Variants in SAMTOR observed in about 807,000 individuals in gnomAD.
SAMTOR encodes UPF0532 protein C7orf60.
chr7:112,932,547 T>C, the SAMTOR span, among the ~76,000 whole-genome samples: 5 of 152,234 alleles, frequency 3.3e-5, no homozygotes, highest in Non-Finnish European at 7.3e-5. Context: ...TGCGTGTGCC[T>C]TAAATCTACA....
At chr7:112,926,623 ATACT>A in the SAMTOR span, among the ~76,000 whole-genome samples, 1 of 152,190 alleles carries the variant, frequency 6.6e-6, no homozygotes, top group Non-Finnish European at 1.5e-5. Flanking sequence ...AAAGTGAAGT[ATACT>A]TAAATATATA....
At chr7:112,915,153 G>C in the SAMTOR span, among the ~76,000 whole-genome samples, 1 of 151,866 alleles carries the variant, frequency 6.6e-6, no homozygotes, top group Non-Finnish European at 1.5e-5. Flanking sequence ...CAGAAGAACT[G>C]ATTGAACCCG....
chr7:112,866,102 A>G, the SAMTOR span, among the ~76,000 whole-genome samples: 9 of 152,150 alleles, frequency 5.9e-5, no homozygotes, highest in Non-Finnish European at 1.2e-4. Context: ...GTGATAAAGA[A>G]GACAAAGCTA....
At chr7:112,891,251 T>TA in the SAMTOR span, among the ~76,000 whole-genome samples, 1 of 152,246 alleles carries the variant, frequency 6.6e-6, no homozygotes, top group Non-Finnish European at 1.5e-5. Context: ...AGTAAGTCGT[T>TA]ATGCATTATA....
At chr7:112,833,279 T>C in the SAMTOR span, among the ~76,000 whole-genome samples, 1 of 152,208 alleles carries the variant, frequency 6.6e-6, no homozygotes, top group Non-Finnish European at 1.5e-5. Context: ...TACGTAATAC[T>C]ATACACACTA....
chr7:112,896,865 G>C, the SAMTOR span, among the ~76,000 whole-genome samples: 1 of 152,158 alleles, frequency 6.6e-6, no homozygotes, highest in East Asian at 1.9e-4. Context: ...GGAAAGTAAA[G>C]TAGAGTGGAA....
chr7:112,864,990 G>T, the SAMTOR span, among the ~76,000 whole-genome samples: 1 of 152,172 alleles, frequency 6.6e-6, no homozygotes, highest in Non-Finnish European at 1.5e-5. Flanking sequence ...CTGGACTCAA[G>T]TGATCCGCTT....
the SAMTOR span, among the ~76,000 whole-genome samples, chr7:112,896,204 C>T: frequency 7.9e-5 from 12 of 151,968 alleles, no homozygotes; most frequent in African/African-American, 1.2e-4. Flanking sequence ...CACGCGCGCA[C>T]GCGCGTGTGT....
chr7:112,897,814 C>T, the SAMTOR span, among the ~76,000 whole-genome samples: 4 of 152,112 alleles, frequency 2.6e-5, no homozygotes, highest in Non-Finnish European at 5.9e-5. Context: ...GCAAGAATAT[C>T]AAATTGAGTA....
the SAMTOR span, chr7:112,939,313 A>G: frequency 2.0e-6 from 1 of 512,262 alleles, no homozygotes; most frequent in Non-Finnish European, 3.5e-6. Context: ...CAACAACCTC[A>G]GCACCCCGGC....
At chr7:112,822,196 G>A in the SAMTOR span, 2 of 1,613,586 alleles carry the variant, frequency 1.2e-6, no homozygotes, top group Non-Finnish European at 1.7e-6. Context: ...CAAATCCATC[G>A]CTGGTAAGGA....
the SAMTOR span, among the ~76,000 whole-genome samples, chr7:112,898,072 C>T: frequency 6.6e-6 from 1 of 152,226 alleles, no homozygotes; most frequent in Admixed American, 6.5e-5. Flanking sequence ...GAACACAGCA[C>T]TGGGCAGAAA....
At chr7:112,903,962 TA>T in the SAMTOR span, among the ~76,000 whole-genome samples, 200 of 147,684 alleles carry the variant, frequency 1.4e-3, no homozygotes, top group African/African-American at 4.0e-3. Context: ...TTAAATCACT[TA>T]AAAAAAAAAG....
At chr7:112,939,454 C>T in the SAMTOR span, 115 of 1,390,640 alleles carry the variant, frequency 8.3e-5, no homozygotes, top group African/African-American at 1.4e-3. Context: ...AGACCAGGCC[C>T]GGGAGAGCAG....
At chr7:112,863,133 C>T in the SAMTOR span, among the ~76,000 whole-genome samples, 1 of 152,092 alleles carries the variant, frequency 6.6e-6, no homozygotes, top group African/African-American at 2.4e-5. Context: ...TAAGATCACA[C>T]ACCTACAAGC....
At chr7:112,931,917 T>C in the SAMTOR span, among the ~76,000 whole-genome samples, 2 of 151,842 alleles carry the variant, frequency 1.3e-5, no homozygotes, top group Admixed American at 6.6e-5. Context: ...CACAAAACTA[T>C]TACTTTTTTT....
At chr7:112,907,842 C>CTTACTTACTTATTTAT in the SAMTOR span, among the ~76,000 whole-genome samples, 9 of 146,346 alleles carry the variant, frequency 6.1e-5, no homozygotes, top group South Asian at 2.2e-4. Flanking sequence ...TTCTTACTTA[C>CTTACTTACTTATTTAT]TTATTTATTT....
the SAMTOR span, among the ~76,000 whole-genome samples, chr7:112,904,938 C>T: frequency 2.4e-4 from 37 of 152,256 alleles, no homozygotes; most frequent in Non-Finnish European, 3.5e-4. Flanking sequence ...AGAGAGACTG[C>T]CCCTCTCAGG....
the SAMTOR span, among the ~76,000 whole-genome samples, chr7:112,905,220 G>A: frequency 6.6e-6 from 1 of 152,220 alleles, no homozygotes; most frequent in South Asian, 2.1e-4. Flanking sequence ...TTTAGCTCCT[G>A]CTTCTGACTC....
Sources: allele counts gnomAD v4.1 joint callset (sites outside exome capture counted in the v4.1 genomes callset), GRCh38; gene constraint gnomAD v4.1.1; transcripts MANE v1.5; gene names NCBI Gene and HGNC (gene_info 2026-07-23, HGNC 2026-07-21).